Variants in MICALL1 observed in about 807,000 individuals in gnomAD.
MICALL1 encodes MICAL-like protein 1.
A neutral mutation model predicts 83.7 loss-of-function variants in MICALL1; 61 were observed. The observed-to-expected ratio is 0.73, with a 90% CI of 0.59 to 0.90. The LOEUF (loss-of-function observed/expected upper bound fraction) is 0.90, where lower values mean the gene tolerates loss of function less well. Ranked by LOEUF, MICALL1 falls within the 40% of genes least tolerant of loss-of-function variation. The probability of loss-of-function intolerance (pLI) is 0.00; values close to 1 mark genes in which losing one functional copy is unlikely to be tolerated. For synonymous variants in MICALL1, 481 were observed against 473.6 expected (o/e 1.02, Z -0.20); for missense variants, 1,066 against 1,152.0 (o/e 0.93, Z 1.08).
intron 5 of MICALL1, among the ~76,000 whole-genome samples, chr22:37,919,585 G>A (rs1227489763): frequency 2.2e-5 from 3 of 137,532 alleles, no homozygotes; most frequent in South Asian, 2.3e-4. Context: ...ACAGGAAGCC[G>A]AGATCGTGCT....
intron 15 of MICALL1, 53 bp downstream of exon 15, chr22:37,937,845 G>T (rs1401030789): frequency 6.2e-7 from 1 of 1,609,548 alleles, no homozygotes; most frequent in East Asian, 2.2e-5. Context: ...TCGGCATTGG[G>T]GTTGGAAGGG....
intron 2 of MICALL1, 69 bp from the exon 3 acceptor site, chr22:37,912,282 G>T: frequency 6.5e-7 from 1 of 1,542,838 alleles, no homozygotes; most frequent in Non-Finnish European, 8.8e-7. Flanking sequence ...AGGCTGAGGG[G>T]TCGCCCCCTA....
At chr22:37,929,219 G>A (rs1440862761) in intron 9 of MICALL1, among the ~76,000 whole-genome samples, 3 of 152,188 alleles carry the variant, frequency 2.0e-5, no homozygotes, top group African/African-American at 7.2e-5. Context: ...AGCACAGAGG[G>A]GAGGGATTCA....
rs1415251925 is a variant in MICALL1, at chr22:37,937,182, A to G, written c.2411A>G (p.Glu804Gly). 6.6e-7 allele frequency: 1 copy of G among 1,524,408 alleles called. No homozygotes were observed. Among genetic ancestry groups the G allele is most frequent in the African/African-American group, 1.4e-5 (1 of 70,264 alleles). 94.4% of individuals were successfully genotyped at this position (1,524,408 alleles called of 1,614,324 possible). Reference sequence around the variant, plus strand: ...AACGCTATCATCAACTGCCTGGATGAGGACCGGCAGAGGTGACATGGCCAG... The same window carrying G: ...AACGCTATCATCAACTGCCTGGATGGGGACCGGCAGAGGTGACATGGCCAG... ...QRNAIINCLD[E>G]DRQREEEEDK... Residue 804 changes from glutamate to glycine, a missense_variant, in exon 14 of 16, where the codon GAG becomes GGG. Physicochemically the swap from Glu to Gly is moderately conservative, Grantham distance 98 (BLOSUM62 -2). Coordinates refer to ENST00000215957, the MANE Select transcript of MICALL1 (RefSeq NM_033386.4).
intron 14 of MICALL1, 23 bp downstream of exon 14, chr22:37,937,217 G>T: frequency 1.3e-6 from 2 of 1,527,100 alleles, no homozygotes; most frequent in Non-Finnish European, 1.8e-6. Flanking sequence ...GGGGTGGGGG[G>T]TCCTGGGGGC....
intron 3 of MICALL1, among the ~76,000 whole-genome samples, chr22:37,913,620 G>A (rs959176286): frequency 3.9e-5 from 6 of 152,340 alleles, no homozygotes; most frequent in Admixed American, 3.3e-4. Context: ...TCGGTTCTGA[G>A]TGAGGTCACT....
intron 5 of MICALL1, among the ~76,000 whole-genome samples, chr22:37,921,668 G>A (rs1929039769): frequency 6.6e-6 from 1 of 152,220 alleles, no homozygotes; most frequent in African/African-American, 2.4e-5. Context: ...ACTACTGGAT[G>A]CAGCCACTCA....
rs1035577462 is a variant in MICALL1, at chr22:37,924,002, C to T, written c.1025-658C>T. ...CTCCCAGATGACCTCCCTGGGTTTC[C>T]GTGAGCTTGTAGGATTGAGACTCCT... is the stretch of plus-strand genomic sequence containing the variant. On this transcript the variant is annotated intron_variant, in intron 6 of 15. Coordinates refer to ENST00000215957, the MANE Select transcript of MICALL1 (RefSeq NM_033386.4). The surrounding 1 kb of genome is among the most constrained non-coding windows in gnomAD (Gnocchi z 5.2). Among the ~76,000 whole-genome samples the T allele has an allele frequency of 1.3e-5, 2 of 152,158 alleles. No individual in the cohort carries two copies. The highest frequency in any genetic ancestry group is 2.4e-5 in the African/African-American group (1 of 41,440).
At chr22:37,908,778 A>G (rs1306973698) in intron 1 of MICALL1, among the ~76,000 whole-genome samples, 1 of 152,188 alleles carries the variant, frequency 6.6e-6, no homozygotes, top group Non-Finnish European at 1.5e-5. Context: ...CATGTACCCT[A>G]TCAGAGGGCT....
chr22:37,916,757 A>G (rs1928702114), intron 3 of MICALL1, among the ~76,000 whole-genome samples: 1 of 152,168 alleles, frequency 6.6e-6, no homozygotes, highest in African/African-American at 2.4e-5. Flanking sequence ...GAAATCAGAA[A>G]GGGGTTGGGG....
intron 3 of MICALL1, among the ~76,000 whole-genome samples, chr22:37,917,438 C>A (rs376989011): frequency 6.6e-6 from 1 of 152,156 alleles, no homozygotes; most frequent in African/African-American, 2.4e-5. Context: ...CGTACTGTTG[C>A]GCCATTGTTC....
chr22:37,925,824 A>G lies in MICALL1; in HGVS notation c.1246A>G (p.Thr416Ala), dbSNP rs371061437. The change falls in exon 8 of 16, where the codon ACG (threonine) becomes GCG (alanine). Residue 416 changes from threonine to alanine, a missense_variant. Transcript: ENST00000215957. ...CGAGGAGGTGGCCCAGCCGAGCCCA[A>G]CGGCCAGCCTGGAGTCCAAACCCTA... ...GTEEVAQPSP[T>A]ASLESKPYNP... 1.8e-5 allele frequency: 29 copies of G among 1,613,732 alleles called. No homozygotes were observed. The highest frequency in any genetic ancestry group is 1.7e-4 in the African/African-American group (13 of 74,894).
intron 4 of MICALL1, among the ~76,000 whole-genome samples, chr22:37,918,635 G>A (rs1019023353): frequency 2.0e-5 from 3 of 152,230 alleles, no homozygotes; most frequent in African/African-American, 7.2e-5. Context: ...AGCTGAGGTC[G>A]GCCTGGGAGG....
At chr22:37,933,632 G>A (rs917351896) in intron 13 of MICALL1, among the ~76,000 whole-genome samples, 3 of 152,180 alleles carry the variant, frequency 2.0e-5, no homozygotes, top group Admixed American at 1.3e-4. Flanking sequence ...CCATGTGGCC[G>A]AGTTGGGGTT....
chr22:37,919,615 G>A, intron 5 of MICALL1, among the ~76,000 whole-genome samples: 1 of 120,474 alleles, frequency 8.3e-6, no homozygotes. Flanking sequence ...CAGCCTGGGT[G>A]ACAGAGCGAG....
At chr22:37,913,258 C>G (rs1928454996) in intron 3 of MICALL1, among the ~76,000 whole-genome samples, 1 of 152,222 alleles carries the variant, frequency 6.6e-6, no homozygotes, top group Admixed American at 6.5e-5. Context: ...GCCACTGGTG[C>G]CCGGCCTGAC....
At chr22:37,917,072 A>C (rs1928724064) in intron 3 of MICALL1, among the ~76,000 whole-genome samples, 1 of 152,054 alleles carries the variant, frequency 6.6e-6, no homozygotes, top group African/African-American at 2.4e-5. Flanking sequence ...GTGTTTCACT[A>C]TGTTGGCCAG....
At chr22:37,911,299 T>C (rs1333942620) in intron 1 of MICALL1, among the ~76,000 whole-genome samples, 1 of 152,220 alleles carries the variant, frequency 6.6e-6, no homozygotes, top group Non-Finnish European at 1.5e-5. Flanking sequence ...TCAAACTTGT[T>C]CTTCTATTCA....
chr22:37,912,152 G>T, intron 2 of MICALL1, 152 bp downstream of exon 2: 1 of 1,120,492 alleles, frequency 8.9e-7, no homozygotes, highest in African/African-American at 1.5e-5. Context: ...CTTCCCACCA[G>T]CCTCCTCATG....
Sources: allele counts gnomAD v4.1 joint callset (sites outside exome capture counted in the v4.1 genomes callset), GRCh38; gene constraint gnomAD v4.1.1; non-coding constraint Gnocchi (gnomAD v3.1); transcripts MANE v1.5; gene names NCBI Gene and HGNC (gene_info 2026-07-23, HGNC 2026-07-21).